Variants in GPC4 observed in about 807,000 individuals in gnomAD.
GPC4 encodes the protein glypican 4.
In GPC4, 10 loss-of-function variants were observed where a neutral mutation model predicts 35.0. The ratio of observed to expected loss-of-function variants is 0.29; its 90% CI spans 0.18 to 0.48. The LOEUF (loss-of-function observed/expected upper bound fraction) is 0.48, where lower values mean the gene tolerates loss of function less well. Among genes scored for constraint, GPC4 ranks in the 20% least tolerant of loss-of-function variants. GPC4 has a pLI of 0.99. For synonymous variants in GPC4, 167 were observed against 170.2 expected (o/e 0.98, Z 0.15); for missense variants, 322 against 451.3 (o/e 0.71, Z 2.60).
At chrX:133,336,449 C>T (rs757596046) in intron 2 of GPC4, among the ~76,000 whole-genome samples, 14 of 110,760 alleles carry the variant, frequency 1.3e-4, no homozygotes, top group African/African-American at 4.6e-4. Flanking sequence ...ACAGGAGAAT[C>T]GCTTGAACCC....
chrX:133,308,444 C>CTT (rs1184629313), intron 4 of GPC4, among the ~76,000 whole-genome samples: 1 of 112,278 alleles, frequency 8.9e-6, no homozygotes, highest in Non-Finnish European at 1.9e-5. Flanking sequence ...CAGAAACTGA[C>CTT]TTTTGTTGGT....
chrX:133,368,570 G>T (rs1023169705), intron 1 of GPC4, among the ~76,000 whole-genome samples: 3 of 111,109 alleles, frequency 2.7e-5, no homozygotes, highest in African/African-American at 9.8e-5. Flanking sequence ...CACTTTTAAG[G>T]TTTTTTTAAG....
intron 2 of GPC4, among the ~76,000 whole-genome samples, chrX:133,337,969 C>T (rs1459226987): frequency 2.7e-5 from 3 of 109,497 alleles, no homozygotes; most frequent in South Asian, 8.0e-4. Context: ...TTGCACATAG[C>T]GTGTTTGAAA....
intron 1 of GPC4, among the ~76,000 whole-genome samples, chrX:133,371,771 T>C (rs969387789): frequency 4.5e-5 from 5 of 111,337 alleles, no homozygotes; most frequent in African/African-American, 9.8e-5. Context: ...GGAGAGGCAA[T>C]TAACTTATCC....
At chrX:133,393,238 C>T (rs2068727920) in intron 1 of GPC4, among the ~76,000 whole-genome samples, 1 of 110,998 alleles carries the variant, frequency 9.0e-6, no homozygotes, top group South Asian at 3.8e-4. Flanking sequence ...GGTTTCTTTC[C>T]TTTGTTTTAT....
intron 3 of GPC4, among the ~76,000 whole-genome samples, chrX:133,321,381 T>A (rs1452752304): frequency 8.9e-6 from 1 of 112,325 alleles, no homozygotes. Context: ...AGCTCCAACC[T>A]TGCAAAGTGA....
chrX:133,384,681 T>C (rs1454228172), intron 1 of GPC4, among the ~76,000 whole-genome samples: 3 of 111,322 alleles, frequency 2.7e-5, no homozygotes, highest in Non-Finnish European at 3.8e-5. Flanking sequence ...CCCAAGGGTG[T>C]CATCAAAGAC....
chrX:133,382,519 GA>G lies in GPC4; in HGVS notation c.160+32286del, dbSNP rs754409337. 1.1e-3 allele frequency among the ~76,000 whole-genome samples: 116 copies of G among 108,006 alleles called. 2 individuals are homozygous for G. Among genetic ancestry groups the G allele is most frequent in the African/African-American group, 3.8e-3 (113 of 29,525 alleles). The allele number at this position is 108,006 out of a possible 115,157, so 93.8% of individuals were successfully genotyped here. On this transcript the variant is annotated intron_variant, in intron 1 of 8. Transcript: ENST00000370828. Reference sequence around the variant, plus strand: ...CAAGGCGGGTGGATCACCAGGTCAGGAGATCAAGACCATCCTGGCTAACACG... The same window carrying G: ...CAAGGCGGGTGGATCACCAGGTCAGGGATCAAGACCATCCTGGCTAACACG...
chrX:133,319,520 G>C, intron 3 of GPC4, among the ~76,000 whole-genome samples: 1 of 107,177 alleles, frequency 9.3e-6, no homozygotes, highest in Non-Finnish European at 1.9e-5. Context: ...GTGGCTGATG[G>C]GGTGGCTCTC....
chrX:133,346,257 G>T (rs1335527360), intron 1 of GPC4, among the ~76,000 whole-genome samples: 1 of 111,968 alleles, frequency 8.9e-6, no homozygotes, highest in Admixed American at 9.5e-5. Flanking sequence ...AGCGTGGAAA[G>T]TTGGGGTTTT....
At chrX:133,382,467 G>A (rs1163259332) in intron 1 of GPC4, among the ~76,000 whole-genome samples, 2 of 97,560 alleles carry the variant, frequency 2.1e-5, no homozygotes, top group African/African-American at 3.8e-5. Flanking sequence ...AGTGGCTCAC[G>A]CCTGTAATTG....
chrX:133,344,046 G>A (rs775698448), intron 1 of GPC4, among the ~76,000 whole-genome samples: 10 of 109,255 alleles, frequency 9.2e-5, no homozygotes, highest in East Asian at 2.9e-4. Context: ...GCTAATGTTC[G>A]TTTATTTTCA....
chrX:133,306,549 T>C (rs1374238538), intron 4 of GPC4, among the ~76,000 whole-genome samples: 1 of 111,814 alleles, frequency 8.9e-6, no homozygotes, highest in Non-Finnish European at 1.9e-5. Context: ...TAGGATCTTC[T>C]CGTTTCACAT....
At chrX:133,307,575 T>C (rs1183997657) in intron 4 of GPC4, among the ~76,000 whole-genome samples, 2 of 111,715 alleles carry the variant, frequency 1.8e-5, no homozygotes, top group Non-Finnish European at 3.8e-5. Flanking sequence ...ACCATTGTAC[T>C]ACAGGAGAGA....
At chrX:133,335,349 C>G in intron 2 of GPC4, among the ~76,000 whole-genome samples, 1 of 110,972 alleles carries the variant, frequency 9.0e-6, no homozygotes, top group Admixed American at 9.7e-5. Context: ...AACACAGAGG[C>G]CAGTCTTTAA....
chrX:133,320,645 A>C (rs1168349132), intron 3 of GPC4, among the ~76,000 whole-genome samples: 1 of 107,574 alleles, frequency 9.3e-6, no homozygotes, highest in African/African-American at 3.4e-5. Flanking sequence ...AAAAAAAAAA[A>C]AGTAAATTTC....
In GPC4 at chrX:133,340,016, T is replaced by C. The variant is rs747713932; in HGVS notation, c.161-675A>G. 4.5e-5 allele frequency among the ~76,000 whole-genome samples: 5 copies of C among 111,546 alleles called. No individual in the cohort carries two copies. In the South Asian group the frequency reaches 1.9e-3, roughly 42 times the overall value. On this transcript the variant is annotated intron_variant, in intron 1 of 8. Coordinates refer to ENST00000370828, the MANE Select transcript of GPC4 (RefSeq NM_001448.3). Reference sequence around the variant, plus strand: ...TATATCTACCCTATGATTCTGTGTATGTAGCATCATCTCAGTATAGACCAA... The same window carrying C: ...TATATCTACCCTATGATTCTGTGTACGTAGCATCATCTCAGTATAGACCAA...
At chrX:133,408,152 C>T (rs2068797694) in intron 1 of GPC4, among the ~76,000 whole-genome samples, 1 of 112,618 alleles carries the variant, frequency 8.9e-6, no homozygotes, top group South Asian at 3.6e-4. Context: ...TTCATGTTCT[C>T]TATAGTAAGC....
chrX:133,324,857 T>C (rs1331861053), intron 2 of GPC4, among the ~76,000 whole-genome samples: 1 of 111,350 alleles, frequency 9.0e-6, no homozygotes. Flanking sequence ...CTGTCATAGG[T>C]GAATAAAGAA....
Sources: allele counts gnomAD v4.1 joint callset (sites outside exome capture counted in the v4.1 genomes callset), GRCh38; gene constraint gnomAD v4.1.1; transcripts MANE v1.5; gene names NCBI Gene and HGNC (gene_info 2026-07-23, HGNC 2026-07-21).